GRIA3: variants seen among roughly 807,000 people sequenced by gnomAD.
The protein encoded by GRIA3 is glutamate receptor 3.
A neutral mutation model predicts 63.0 loss-of-function variants in GRIA3; 3 were observed. The observed-to-expected ratio is 0.05, with a 90% confidence interval of 0.02 to 0.12. The LOEUF is 0.12. Among genes scored for constraint, GRIA3 ranks in the 10% least tolerant of loss-of-function variants. The probability of loss-of-function intolerance (pLI) is 1.00; values close to 1 mark genes in which losing one functional copy is unlikely to be tolerated. For synonymous variants in GRIA3, 274 were observed against 257.9 expected, an observed-to-expected ratio of 1.06 and a Z score of -0.60; for missense variants, 347 against 700.9, an observed-to-expected ratio of 0.50 and a Z score of 5.70.
At chrX:123,315,469 AAAAC>A (rs1448154701) in intron 3 of GRIA3, among the ~76,000 whole-genome samples, 1 of 112,483 alleles carries the variant, frequency 8.9e-6, no homozygotes, top group Non-Finnish European at 1.9e-5. Context: ...AGTTAAAACA[AAAAC>A]AAACAACAAA....
chrX:123,441,243 C>T (rs1371585644), intron 12 of GRIA3, among the ~76,000 whole-genome samples: 2 of 111,810 alleles, frequency 1.8e-5, no homozygotes, highest in Non-Finnish European at 3.8e-5. Context: ...CCACTATTGA[C>T]TAAGGTAGTT....
chrX:123,465,007 T>C lies in GRIA3; in HGVS notation c.2219T>C (p.Met740Thr), dbSNP rs1569441267. 18 of 1,209,707 alleles carry C rather than the reference T, an allele frequency of 1.5e-5. No individual in the cohort carries two copies. The highest frequency in any genetic ancestry group is 2.0e-5 in the Non-Finnish European group (18 of 893,876). Residue 740 changes from methionine (M) to threonine (T), a missense_variant, in exon 13 of 16, where the codon ATG (methionine) becomes ACG (threonine). Physicochemically the swap from Met to Thr is moderately conservative, Grantham distance 81. This residue lies in a region of GRIA3 where 49 missense variants were observed against 176.6 expected (regional missense o/e 0.28). Coordinates refer to ENST00000620443, the MANE Select transcript of GRIA3 (RefSeq NM_007325.5). ...TTCGCCTTCCTGCTGGAGTCAACCA[T>C]GAATGAGTACATTGAGCAGAGAAAA... ...GKFAFLLEST[M>T]NEYIEQRKPC...
chrX:123,317,578 G>C (rs1445283789), intron 3 of GRIA3, among the ~76,000 whole-genome samples: 1 of 111,870 alleles, frequency 8.9e-6, no homozygotes, highest in Non-Finnish European at 1.9e-5. Flanking sequence ...AAATCCAACA[G>C]GGTAGTCAAA....
intron 2 of GRIA3, among the ~76,000 whole-genome samples, chrX:123,190,506 G>A (rs1221853441): frequency 2.7e-5 from 3 of 111,349 alleles, no homozygotes; most frequent in Non-Finnish European, 3.8e-5. Flanking sequence ...AAAAATAGAT[G>A]GCAATCAGCA....
intron 3 of GRIA3, among the ~76,000 whole-genome samples, chrX:123,306,007 T>C (rs1337508868): frequency 2.7e-5 from 3 of 111,801 alleles, no homozygotes; most frequent in Non-Finnish European, 5.6e-5. Context: ...TTGACGTTAA[T>C]GTTCTTAGAC....
rs186189992 is a variant in GRIA3, at chrX:123,233,192, T to C, written c.269-20111T>C. On this transcript the variant is annotated intron_variant, in intron 2 of 15. Coordinates refer to ENST00000620443, the MANE Select transcript of GRIA3 (RefSeq NM_007325.5). ...CATCTATTTAGGTTCTTATCTCTTA[T>C]CTGGGAACCACAGTGTGCTCCTAAC... is the stretch of plus-strand genomic sequence containing the variant. Among the ~76,000 whole-genome samples the C allele has an allele frequency of 3.8e-3, 423 of 111,585 alleles. 6 individuals are homozygous for C. The highest frequency in any genetic ancestry group is 0.013 in the African/African-American group (393 of 30,639).
At chrX:123,332,778 T>G (rs1379127664) in intron 4 of GRIA3, among the ~76,000 whole-genome samples, 1 of 111,740 alleles carries the variant, frequency 8.9e-6, no homozygotes, top group African/African-American at 3.3e-5. Flanking sequence ...ACTCAAATTT[T>G]TCTTCCTCTT....
intron 12 of GRIA3, among the ~76,000 whole-genome samples, chrX:123,451,505 T>TAAAAAAAAAAA (rs56991039): frequency 5.6e-4 from 9 of 16,191 alleles, no homozygotes; most frequent in South Asian, 0.022. Flanking sequence ...ACTCTGTCTC[T>TAAAAAAAAAAA]AAAAAAAAAA....
At chrX:123,480,891 T>C (rs1462327735) in intron 14 of GRIA3, among the ~76,000 whole-genome samples, 1 of 111,811 alleles carries the variant, frequency 8.9e-6, no homozygotes, top group Non-Finnish European at 1.9e-5. Context: ...CTTCCCCGCC[T>C]CCTTCCTGCC....
At position 123,427,968 on chromosome X, in the gene GRIA3, G is replaced by A; in HGVS notation, c.1905G>A (p.Gly635=). ...PRSLSGRIVG[G]VWWFFTLIII... Reference sequence around the variant, plus strand: ...CACTCTCCGGGCGCATTGTTGGAGGGGTTTGGTGGTTCTTCACCCTGATCA... The same window carrying A: ...CACTCTCCGGGCGCATTGTTGGAGGAGTTTGGTGGTTCTTCACCCTGATCA... The change falls in exon 12 of 16, where the codon GGG becomes GGA. Residue 635 remains glycine, a synonymous_variant. Coordinates refer to ENST00000620443, the MANE Select transcript of GRIA3 (RefSeq NM_007325.5). 8.3e-7 allele frequency: 1 copy of A among 1,202,973 alleles called. No individual in the cohort carries two copies. The highest frequency in any genetic ancestry group is 2.2e-5 in the Admixed American group (1 of 45,872).
At chrX:123,391,367 C>T (rs906570054) in intron 5 of GRIA3, among the ~76,000 whole-genome samples, 2 of 111,061 alleles carry the variant, frequency 1.8e-5, no homozygotes, top group Non-Finnish European at 3.8e-5. Context: ...CTTTGATTCT[C>T]GGTATGTGCA....
At chrX:123,389,042 T>C (rs1055344195) in intron 5 of GRIA3, among the ~76,000 whole-genome samples, 3 of 112,496 alleles carry the variant, frequency 2.7e-5, no homozygotes, top group Non-Finnish European at 5.6e-5. Context: ...TTCCTCTTGT[T>C]ATTGATTTCT....
chrX:123,419,416 A>G (rs1444815128), intron 11 of GRIA3, among the ~76,000 whole-genome samples: 2 of 110,986 alleles, frequency 1.8e-5, no homozygotes, highest in African/African-American at 6.6e-5. Context: ...TCTCAAAAAA[A>G]AAAAAAAAAA....
At chrX:123,225,473 G>A (rs761568540) in intron 2 of GRIA3, among the ~76,000 whole-genome samples, 1 of 111,817 alleles carries the variant, frequency 8.9e-6, no homozygotes, top group Non-Finnish European at 1.9e-5. Flanking sequence ...GTTACATAAT[G>A]AATTTATTTC....
intron 3 of GRIA3, among the ~76,000 whole-genome samples, chrX:123,275,051 G>T (rs1453225416): frequency 9.0e-6 from 1 of 111,197 alleles, no homozygotes; most frequent in African/African-American, 3.3e-5. Flanking sequence ...TGACTCATAT[G>T]TAAGATAACA....
intron 5 of GRIA3, among the ~76,000 whole-genome samples, chrX:123,366,269 C>T (rs1039657401): frequency 1.8e-5 from 2 of 111,493 alleles, no homozygotes; most frequent in Admixed American, 9.5e-5. Flanking sequence ...CCAGCCCCTA[C>T]TCATGATGGA....
At chrX:123,221,426 G>T (rs984048962) in intron 2 of GRIA3, among the ~76,000 whole-genome samples, 1 of 112,334 alleles carries the variant, frequency 8.9e-6, no homozygotes, top group African/African-American at 3.2e-5. Context: ...TCCCAGAGGG[G>T]CACACAGAAT....
chrX:123,461,757 A>G lies in GRIA3; in HGVS notation c.2077-3108A>G, dbSNP rs777872551. Reference sequence around the variant, plus strand: ...GCAGGGAGACTAGTTAGGAAGCAAGATAGTCTAGACAAAACAACGATGGAG... The same window carrying G: ...GCAGGGAGACTAGTTAGGAAGCAAGGTAGTCTAGACAAAACAACGATGGAG... On this transcript the variant is annotated intron_variant, in intron 12 of 15. Coordinates refer to ENST00000620443, the MANE Select transcript of GRIA3 (RefSeq NM_007325.5). Among the ~76,000 whole-genome samples, 8 of 111,586 alleles carry G rather than the reference A, an allele frequency of 7.2e-5. No individual in the cohort carries two copies. In the South Asian group the frequency reaches 2.7e-3, roughly 37 times the overall value.
At chrX:123,198,728 G>A (rs1927641031) in intron 2 of GRIA3, among the ~76,000 whole-genome samples, 1 of 111,975 alleles carries the variant, frequency 8.9e-6, no homozygotes, top group Non-Finnish European at 1.9e-5. Context: ...ACCATTAAGT[G>A]GAATTGTCCA....
Sources: gnomAD v4.1 joint callset for allele counts (sites outside exome capture counted in the v4.1 genomes callset) on GRCh38, gnomAD v4.1.1 for gene constraint, gnomAD v4.1.1 regional missense constraint, MANE v1.5 for transcripts, NCBI Gene and HGNC (gene_info 2026-07-23, HGNC 2026-07-21) for gene names.